The following FUT9 variants were observed in gnomAD, a reference collection of about 807,000 sequenced individuals.
FUT9 encodes the protein fucosyltransferase 9.
A neutral mutation model predicts 29.7 loss-of-function variants in FUT9; 15 were observed. The observed-to-expected ratio is 0.51, with a 90% CI of 0.34 to 0.78. The LOEUF (loss-of-function observed/expected upper bound fraction) is 0.78. FUT9 is among the 30% of genes least tolerant of loss of function. FUT9 has a pLI of 0.01. For missense variants in FUT9, 319 were observed against 425.4 expected (o/e 0.75, Z 2.20); for synonymous variants, 169 against 153.7 (o/e 1.10, Z -0.74).
At chr6:96,054,162 T>G (rs1770722619) in intron 1 of FUT9, among the ~76,000 whole-genome samples, 1 of 152,156 alleles carries the variant, frequency 6.6e-6, no homozygotes, top group African/African-American at 2.4e-5. Flanking sequence ...TTTTGTCCTT[T>G]TAAGTCAAGA....
chr6:96,068,184 T>C (rs1770995075), intron 1 of FUT9, among the ~76,000 whole-genome samples: 1 of 152,114 alleles, frequency 6.6e-6, no homozygotes, highest in Non-Finnish European at 1.5e-5. Flanking sequence ...CTAGTGTATA[T>C]ATTTGGAAAT....
intron 1 of FUT9, among the ~76,000 whole-genome samples, chr6:96,065,040 T>C (rs1476928104): frequency 6.6e-6 from 1 of 152,166 alleles, no homozygotes; most frequent in African/African-American, 2.4e-5. Context: ...AAGAAATCTA[T>C]ATTTTTAGTA....
In FUT9 at chr6:96,139,861, G is replaced by C. The variant is rs9499283; in HGVS notation, c.-9+25734G>C. Among the ~76,000 whole-genome samples, 875 of 152,226 alleles carry C rather than the reference G, an allele frequency of 5.7e-3. 10 individuals are homozygous for C. Among genetic ancestry groups the C allele is most frequent in the African/African-American group, 0.02 (811 of 41,554 alleles). ...TGGGGCCTCCATGCCTGTGATTGGA[G>C]GGGGGCTGCTGTGAAGGTCTCTGAC... On this transcript the variant is annotated intron_variant, in intron 2 of 2. Transcript: ENST00000302103.
chr6:96,151,098 GA>G (rs1311148073), intron 2 of FUT9, among the ~76,000 whole-genome samples: 1 of 152,152 alleles, frequency 6.6e-6, no homozygotes, highest in Non-Finnish European at 1.5e-5. Context: ...AAACTTAGCA[GA>G]GTGGGTAACA....
intron 1 of FUT9, among the ~76,000 whole-genome samples, chr6:96,063,771 G>A (rs935563946): frequency 9.9e-5 from 15 of 152,122 alleles, no homozygotes; most frequent in African/African-American, 2.7e-4. Flanking sequence ...CTTTGGAGAC[G>A]TAATTTGGTG....
At chr6:96,064,344 G>A (rs9377343) in intron 1 of FUT9, among the ~76,000 whole-genome samples, 64,715 of 151,948 alleles carry the variant, frequency 0.43, 14,201 homozygotes, top group East Asian at 0.6. Context: ...GGCATAGAGA[G>A]TATAGTAATG....
intron 2 of FUT9, among the ~76,000 whole-genome samples, chr6:96,116,332 G>T (rs1359725113): frequency 6.6e-6 from 1 of 152,124 alleles, no homozygotes; most frequent in Non-Finnish European, 1.5e-5. Context: ...TTTCATTACT[G>T]TTGGCAATTC....
intron 1 of FUT9, among the ~76,000 whole-genome samples, chr6:96,113,183 G>C (rs551144754): frequency 6.2e-4 from 95 of 152,124 alleles, no homozygotes; most frequent in African/African-American, 2.2e-3. Flanking sequence ...CTATAACCTA[G>C]AACATTCATT....
chr6:96,061,183 C>T (rs1414733333), intron 1 of FUT9, among the ~76,000 whole-genome samples: 7 of 150,126 alleles, frequency 4.7e-5, no homozygotes, highest in Middle Eastern at 3.7e-3. Context: ...GAATTTTAAT[C>T]GACTTTATAA....
intron 1 of FUT9, among the ~76,000 whole-genome samples, chr6:96,071,812 T>A (rs1562116058): frequency 6.6e-6 from 1 of 151,906 alleles, no homozygotes. Flanking sequence ...TTTTTTTTTC[T>A]TTTGTAGAGA....
chr6:96,112,204 T>C (rs976315315), intron 1 of FUT9, among the ~76,000 whole-genome samples: 99 of 152,314 alleles, frequency 6.5e-4, no homozygotes, highest in African/African-American at 2.2e-3. Context: ...TCTTAATATG[T>C]ACCAGTTATC....
chr6:96,193,885 G>A (rs1773567675), intron 2 of FUT9, among the ~76,000 whole-genome samples: 1 of 152,170 alleles, frequency 6.6e-6, no homozygotes, highest in Non-Finnish European at 1.5e-5. Context: ...AAAAAAGGAT[G>A]AGTTCATGTC....
At chr6:96,066,128 G>C (rs1770957794) in intron 1 of FUT9, among the ~76,000 whole-genome samples, 1 of 152,024 alleles carries the variant, frequency 6.6e-6, no homozygotes, top group Admixed American at 6.6e-5. Flanking sequence ...TTTTTGAGTG[G>C]TTATTGTGTT....
At chr6:96,093,205 C>T (rs529119674) in intron 1 of FUT9, among the ~76,000 whole-genome samples, 1 of 152,300 alleles carries the variant, frequency 6.6e-6, no homozygotes, top group African/African-American at 2.4e-5. Context: ...TGCTAAGCAT[C>T]ATACCCCTAG....
chr6:96,106,982 G>A (rs1771700347), intron 1 of FUT9, among the ~76,000 whole-genome samples: 1 of 152,144 alleles, frequency 6.6e-6, no homozygotes, highest in Non-Finnish European at 1.5e-5. Flanking sequence ...TATTACAAAA[G>A]CAGAGTGAAG....
chr6:96,068,832 A>G (rs1482542786), intron 1 of FUT9, among the ~76,000 whole-genome samples: 1 of 152,228 alleles, frequency 6.6e-6, no homozygotes, highest in Non-Finnish European at 1.5e-5. Context: ...GGCTGAGGAA[A>G]GAAGCTACCC....
chr6:96,157,746 G>C (rs1202398422), intron 2 of FUT9, among the ~76,000 whole-genome samples: 1 of 152,090 alleles, frequency 6.6e-6, no homozygotes, highest in Non-Finnish European at 1.5e-5. Context: ...GAACTACTCA[G>C]TCCTGCAATT....
At chr6:96,161,642 A>T (rs1772904359) in intron 2 of FUT9, among the ~76,000 whole-genome samples, 1 of 152,178 alleles carries the variant, frequency 6.6e-6, no homozygotes, top group East Asian at 1.9e-4. Flanking sequence ...CCACACAAAT[A>T]CTTACGGGAT....
At chr6:96,090,440 A>G (rs1277144880) in intron 1 of FUT9, among the ~76,000 whole-genome samples, 2 of 151,960 alleles carry the variant, frequency 1.3e-5, no homozygotes, top group African/African-American at 4.8e-5. Context: ...GAAAGTGTTC[A>G]ATTTTATAAG....
Sources: allele counts gnomAD v4.1 joint callset (sites outside exome capture counted in the v4.1 genomes callset), GRCh38; gene constraint gnomAD v4.1.1; transcripts MANE v1.5; gene names NCBI Gene and HGNC (gene_info 2026-07-23, HGNC 2026-07-21).